Variants in SATB2 observed in about 807,000 individuals in gnomAD.
SATB2 encodes the protein SATB homeobox 2, also known as DNA-binding protein SATB2.
Under a neutral mutation model 73.4 loss-of-function variants are expected in SATB2, and 1 was observed. The ratio of observed to expected loss-of-function variants is 0.01; its 90% CI spans 0.00 to 0.06. The LOEUF is 0.06. SATB2 is among the 10% of genes least tolerant of loss of function. The pLI is 1.00. For missense variants in SATB2, 459 were observed against 945.8 expected (o/e 0.49, Z 6.75); for synonymous variants, 397 against 367.0 (o/e 1.08, Z -0.93).
At chr2:199,424,048 T>C (rs372474789) in intron 3 of SATB2, 1 of 152,186 alleles carries the variant, frequency 6.6e-6, no homozygotes, top group African/African-American at 2.4e-5. Context: ...TAGCACAGAT[T>C]TGCTGTTCTG....
intron 3 of SATB2, among the ~76,000 whole-genome samples, chr2:199,405,669 C>A (rs573791043): frequency 2.6e-5 from 4 of 152,214 alleles, no homozygotes; most frequent in South Asian, 2.1e-4. Flanking sequence ...GTTCTCTGAA[C>A]CTTCACACAT....
At chr2:199,435,473 T>C (rs1294691686) in intron 2 of SATB2, among the ~76,000 whole-genome samples, 1 of 151,958 alleles carries the variant, frequency 6.6e-6, no homozygotes, top group African/African-American at 2.4e-5. Context: ...CTCAGCCTCC[T>C]GAGAAGCTGG....
chr2:199,278,702 T>G (rs1290296292), intron 10 of SATB2, among the ~76,000 whole-genome samples: 1 of 152,208 alleles, frequency 6.6e-6, no homozygotes, highest in Non-Finnish European at 1.5e-5. Context: ...AAAATTCAGT[T>G]TGTAATATAG....
upstream of SATB2, chr2:199,469,953 T>C (rs1265448737): frequency 6.6e-6 from 1 of 152,270 alleles, no homozygotes; most frequent in Non-Finnish European, 1.5e-5. Flanking sequence ...GGGGAGGTAG[T>C]TTAGAAAGTT....
chr2:199,348,121 A>G (rs530488470), intron 7 of SATB2: 5 of 152,520 alleles, frequency 3.3e-5, no homozygotes, highest in South Asian at 2.1e-4. Flanking sequence ...ATTTAGTGTT[A>G]TAATTGGCAT....
At chr2:199,423,996 A>G (rs1156646254) in intron 3 of SATB2, 1 of 152,234 alleles carries the variant, frequency 6.6e-6, no homozygotes, top group Non-Finnish European at 1.5e-5. Flanking sequence ...CATATAGCCC[A>G]CAGCGATCTT....
chr2:199,279,766 C>T (rs1186209159), intron 10 of SATB2, among the ~76,000 whole-genome samples: 1 of 152,122 alleles, frequency 6.6e-6, no homozygotes, highest in Non-Finnish European at 1.5e-5. Flanking sequence ...ACTTGTTGTC[C>T]AATTTTACCT....
intron 7 of SATB2, among the ~76,000 whole-genome samples, chr2:199,330,114 A>G (rs1688144720): frequency 6.6e-6 from 1 of 152,194 alleles, no homozygotes; most frequent in African/African-American, 2.4e-5. Context: ...AATGCAAAGG[A>G]AACACTATCA....
intron 3 of SATB2, among the ~76,000 whole-genome samples, chr2:199,399,808 G>A (rs1021284127): frequency 7.9e-5 from 12 of 152,114 alleles, no homozygotes; most frequent in African/African-American, 2.9e-4. Context: ...AACAGAAGTT[G>A]GAAATCCACC....
In SATB2 at chr2:199,464,007, C is replaced by T. The variant is rs1303304074; in HGVS notation, c.-141+829G>A. Among the ~76,000 whole-genome samples, 1 of 152,196 alleles carries T rather than the reference C, an allele frequency of 6.6e-6. No individual in the cohort carries two copies. Among genetic ancestry groups the T allele is most frequent in the Non-Finnish European group, 1.5e-5 (1 of 68,042 alleles). On this transcript the variant is annotated intron_variant, in intron 1 of 11. Coordinates refer to the SATB2 transcript ENST00000260926. The surrounding 1 kb of genome is among the most constrained non-coding windows in gnomAD (Gnocchi z 6.6). ...GAGGGCGAAAAAGCCCGCTGCGGGA[C>T]CCACGGTCCCAGACACCTACTGGAG...
intron 2 of SATB2, among the ~76,000 whole-genome samples, chr2:199,443,595 G>A (rs993864520): frequency 6.7e-6 from 1 of 149,324 alleles, no homozygotes; most frequent in African/African-American, 2.5e-5. Context: ...TACTGTCTAT[G>A]TTTAGAGTTC....
At position 199,269,740 on chromosome 2, in the gene SATB2, C is replaced by A. The variant is rs1692097915; in HGVS notation, c.*2471G>T. The A allele has an allele frequency of 6.7e-6, 1 of 148,258 alleles. No individual in the cohort carries two copies. Among genetic ancestry groups the A allele is most frequent in the South Asian group, 2.1e-4 (1 of 4,706 alleles). The allele number at this position is 148,258 out of a possible 1,614,324, so 9.2% of individuals were successfully genotyped here. ...GGAAATTGTGCTTTGTCAAGAGGCA[C>A]TACAAGAGAAAGTTTCTTCTTCCAA... On this transcript the variant is annotated 3_prime_UTR_variant, in exon 11 of 11. Transcript: ENST00000417098.
chr2:199,339,102 A>C (rs1559169957), intron 7 of SATB2, among the ~76,000 whole-genome samples: 1 of 152,106 alleles, frequency 6.6e-6, no homozygotes, highest in Non-Finnish European at 1.5e-5. Context: ...ACAGCTGCTA[A>C]ATTAGCCTTC....
intron 5 of SATB2, among the ~76,000 whole-genome samples, chr2:199,375,206 A>G (rs556604803): frequency 6.6e-6 from 1 of 152,192 alleles, no homozygotes; most frequent in Non-Finnish European, 1.5e-5. Flanking sequence ...TAAGGTTTTC[A>G]AATTGGAACA....
At chr2:199,375,715 A>C (rs1689578958) in intron 5 of SATB2, among the ~76,000 whole-genome samples, 1 of 152,182 alleles carries the variant, frequency 6.6e-6, no homozygotes, top group African/African-American at 2.4e-5. Context: ...TCATGAGTTG[A>C]GTCTATTTTT....
rs1689783058 is a variant in SATB2, at chr2:199,381,735, T to C, written c.432A>G (p.Gln144=). 6.2e-7 allele frequency: 1 copy of C among 1,614,090 alleles called. No homozygotes were observed. The highest frequency in any genetic ancestry group is 8.5e-7 in the Non-Finnish European group (1 of 1,179,950). The change falls in exon 4 of 11, where the codon CAA becomes CAG. Residue 144 remains glutamine (Q), a synonymous_variant. Transcript: ENST00000417098. ...TCAACGTCACAACATGATAGACATC[T>C]TGTAGCATGTCGGCCACTGTCGCGT... ...APDATVADML[Q]DVYHVVTLKI...
intron 9 of SATB2, among the ~76,000 whole-genome samples, chr2:199,309,615 G>A (rs1687538139): frequency 6.6e-6 from 1 of 152,172 alleles, no homozygotes; most frequent in South Asian, 2.1e-4. Context: ...TCCAAAATCT[G>A]GCATCCGGAT....
intron 2 of SATB2, among the ~76,000 whole-genome samples, chr2:199,451,190 T>C (rs1283338531): frequency 6.6e-6 from 1 of 151,638 alleles, no homozygotes; most frequent in Non-Finnish European, 1.5e-5. Flanking sequence ...TGATGGAACA[T>C]AAGGCTTCCA....
In SATB2 at chr2:199,348,871, T is replaced by C; in HGVS notation, c.1003A>G (p.Ile335Val). The C allele has an allele frequency of 1.2e-6, 2 of 1,614,140 alleles. No individual in the cohort carries two copies. Among genetic ancestry groups the C allele is most frequent in the Non-Finnish European group, 1.7e-6 (2 of 1,180,006 alleles). The change falls in exon 7 of 11, where the codon ATC (isoleucine) becomes GTC (valine). Residue 335 changes from isoleucine to valine, a missense_variant. This residue lies in a region of SATB2 where 35 missense variants were observed against 55.3 expected (regional missense o/e 0.63). Coordinates refer to ENST00000417098, the MANE Select transcript of SATB2 (RefSeq NM_001172509.2). ...RLLAHQHPQA[I>V]NQQFLNHPPI... ...GGATGGTTCAGGAACTGCTGGTTGA[T>C]GGCTTGAGGATGCTGGTGAGCCAGG... is the stretch of plus-strand genomic sequence containing the variant.
Sources: gnomAD v4.1 joint callset for allele counts (sites outside exome capture counted in the v4.1 genomes callset) on GRCh38, gnomAD v4.1.1 for gene constraint, gnomAD v4.1.1 regional missense constraint, Gnocchi (gnomAD v3.1) non-coding constraint, MANE v1.5 for transcripts, NCBI Gene and HGNC (gene_info 2026-07-23, HGNC 2026-07-21) for gene names.